HLA-DMA: variants seen among roughly 807,000 people sequenced by gnomAD.
HLA-DMA encodes the protein major histocompatibility complex, class II, DM alpha, also known as HLA class II histocompatibility antigen, DM alpha chain.
Under a neutral mutation model 27.3 loss-of-function variants are expected in HLA-DMA, and 20 were observed. The ratio of observed to expected loss-of-function variants is 0.73; its 90% confidence interval spans 0.52 to 1.07. The LOEUF (loss-of-function observed/expected upper bound fraction) is 1.07. Ranked by LOEUF, HLA-DMA falls within the 50% of genes least tolerant of loss-of-function variation. The pLI is 0.00. For missense variants in HLA-DMA, 241 were observed against 321.7 expected (o/e 0.75, Z 1.92); for synonymous variants, 111 against 126.8 (o/e 0.88, Z 0.83).
chr6:32,949,710 G>A lies in HLA-DMA; in HGVS notation c.553C>T (p.Gln185Ter). 6.2e-7 allele frequency: 1 copy of A among 1,613,068 alleles called. No homozygotes were observed. The change falls in exon 3 of 5, where the codon CAG (glutamine) becomes TAG (stop). Residue 185 changes from glutamine (Q) to a stop codon, truncating the protein, a stop_gained. Coordinates refer to ENST00000374843, the MANE Select transcript of HLA-DMA (RefSeq NM_006120.4). LOFTEE classifies it high-confidence loss of function. The surrounding 1 kb of genome is among the most constrained non-coding windows in gnomAD (Gnocchi z 5.8). ...GTGAAGTTTAAGTAAGAAAAGGCCT[G>A]GAAGCTGAGTCCATCGACAGCTGAG... Reference protein sequence around the residue: ...FVSAVDGLSFQAFSYLNFTPE... With the variant: ...FVSAVDGLSF
rs888313182 is a variant in HLA-DMA, at chr6:32,950,665, T to C, written c.227A>G (p.Asn76Ser). 1 of 1,613,002 alleles carries C rather than the reference T, an allele frequency of 6.2e-7. No homozygotes were observed. The highest frequency in any genetic ancestry group is 8.5e-7 in the Non-Finnish European group (1 of 1,180,028). Reference sequence around the variant, plus strand: ...TTCGGGCAGGCGAGGCACCCGAGTGTTCTGGGAAAAGTCGAAGAAGAAAAG... The same window carrying C: ...TTCGGGCAGGCGAGGCACCCGAGTGCTCTGGGAAAAGTCGAAGAAGAAAAG... ...DQLFFFDFSQ[N>S]TRVPRLPEFA... The change falls in exon 2 of 5, where the codon AAC becomes AGC. Residue 76 changes from asparagine (N) to serine (S), a missense_variant. Coordinates refer to ENST00000374843, the MANE Select transcript of HLA-DMA (RefSeq NM_006120.4). This position sits in a 1 kb window ranked among gnomAD's most constrained non-coding sequence, Gnocchi z 5.0.
At chr6:32,952,331 T>G in intron 1 of HLA-DMA, 1 of 471,218 alleles carries the variant, frequency 2.1e-6, no homozygotes, top group Non-Finnish European at 4.4e-6. Context: ...CAAGCGTCTC[T>G]CAAAATGTCT....
chr6:32,950,400 G>T lies in HLA-DMA; in HGVS notation c.373+119C>A. 1 of 1,272,296 alleles carries T rather than the reference G, an allele frequency of 7.9e-7. No individual in the cohort carries two copies. 78.8% of individuals were successfully genotyped at this position (1,272,296 alleles called of 1,614,324 possible). ...CCAAGGCTGGTGGAAAAATTAAGGT[G>T]ATGAAGAGAACCAGAAAGTATTTGA... On this transcript the variant is annotated intron_variant, in intron 2 of 4. Coordinates refer to ENST00000374843, the MANE Select transcript of HLA-DMA (RefSeq NM_006120.4). The surrounding 1 kb of genome is among the most constrained non-coding windows in gnomAD (Gnocchi z 5.0).
At chr6:32,951,247 G>C (rs865894718) in intron 1 of HLA-DMA, among the ~76,000 whole-genome samples, 2 of 152,134 alleles carry the variant, frequency 1.3e-5, no homozygotes, top group African/African-American at 2.4e-5. Flanking sequence ...CCTCCCAAAG[G>C]GGGTGAAGAA....
chr6:32,952,213 C>A (rs1776933572), intron 1 of HLA-DMA: 1 of 417,060 alleles, frequency 2.4e-6, no homozygotes, highest in African/African-American at 2.1e-5. Flanking sequence ...GGAGGAATGG[C>A]TACAGCCTCC....
At chr6:32,952,865 AC>A in intron 1 of HLA-DMA, 83 bp downstream of exon 1, 1 of 996,442 alleles carries the variant, frequency 1.0e-6, no homozygotes. Flanking sequence ...ACTTCCCACC[AC>A]TCACAAAGCA....
Position 32,949,981 on chromosome 6 carries a change from C to T in HLA-DMA, c.374-92G>A. 3 of 1,223,030 alleles carry T rather than the reference C, an allele frequency of 2.5e-6. No homozygotes were observed. Among genetic ancestry groups the T allele is most frequent in the African/African-American group, 3.0e-5 (2 of 67,022 alleles). The allele number at this position is 1,223,030 out of a possible 1,614,324, so 75.8% of individuals were successfully genotyped here. A position where few individuals can be genotyped will look rare whatever the true frequency, so the allele number is the denominator to read the frequency against. On this transcript the variant is annotated intron_variant, in intron 2 of 4. Coordinates refer to ENST00000374843, the MANE Select transcript of HLA-DMA (RefSeq NM_006120.4). This position sits in a 1 kb window ranked among gnomAD's most constrained non-coding sequence, Gnocchi z 5.8. The stretch of plus-strand genomic sequence containing the variant: ...GGGCCATGGCATATGGAGGGGAGGG[C>T]AGAGAAGAACACAGTGGGTCAGGCT...
At position 32,950,335 on chromosome 6, in the gene HLA-DMA, G is replaced by T; in HGVS notation, c.373+184C>A. The T allele has an allele frequency of 1.4e-6, 1 of 708,800 alleles. No individual in the cohort carries two copies. The highest frequency in any genetic ancestry group is 2.5e-6 in the Non-Finnish European group (1 of 407,942). The allele number at this position is 708,800 out of a possible 1,614,324, so 43.9% of individuals were successfully genotyped here. ...ACATAGTTCTGAATGCCTACTACATGCTAGGTACTTCGGCCCACCAAAAGA... is the reference window on the plus strand; with the variant it reads ...ACATAGTTCTGAATGCCTACTACATTCTAGGTACTTCGGCCCACCAAAAGA... On this transcript the variant is annotated intron_variant, in intron 2 of 4. Transcript: ENST00000374843. This position sits in a 1 kb window ranked among gnomAD's most constrained non-coding sequence, Gnocchi z 5.0.
At position 32,950,868 on chromosome 6, in the gene HLA-DMA, A is replaced by T; in HGVS notation, c.89-65T>A. The T allele has an allele frequency of 6.5e-7, 1 of 1,532,090 alleles. No homozygotes were observed. The highest frequency in any genetic ancestry group is 8.9e-7 in the Non-Finnish European group (1 of 1,123,546). 94.9% of individuals were successfully genotyped at this position (1,532,090 alleles called of 1,614,324 possible). A position where few individuals can be genotyped will look rare whatever the true frequency, so the allele number is the denominator to read the frequency against. ...CTTCTCCTCCAACTTAAAAAACAGC[A>T]AGGTGGGGCTAGGCGCAGTGGCTCA... On this transcript the variant is annotated intron_variant, in intron 1 of 4. Transcript: ENST00000374843. This position sits in a 1 kb window ranked among gnomAD's most constrained non-coding sequence, Gnocchi z 5.0.
chr6:32,949,768 G>T lies in HLA-DMA; in HGVS notation c.495C>A (p.Ser165=). Residue 165 remains serine (S), a synonymous_variant, in exon 3 of 5, where the codon TCC becomes TCA. Coordinates refer to ENST00000374843, the MANE Select transcript of HLA-DMA (RefSeq NM_006120.4). The surrounding 1 kb of genome is among the most constrained non-coding windows in gnomAD (Gnocchi z 5.8). ...PMLTVNWQHH[S]VPVEGFGPTF... ...TAGGCCCAAATCCTTCCACAGGGAC[G>T]GAATGATGCTGCCAGTTCACTGTCA... The T allele has an allele frequency of 6.2e-7, 1 of 1,613,082 alleles. No individual in the cohort carries two copies. The highest frequency in any genetic ancestry group is 8.5e-7 in the Non-Finnish European group (1 of 1,180,036).
At position 32,949,431 on chromosome 6, in the gene HLA-DMA, C is replaced by G. The variant is rs777880757; in HGVS notation, c.653-32G>C. The G allele has an allele frequency of 5.6e-6, 9 of 1,612,634 alleles. No individual in the cohort carries two copies. In the South Asian group the frequency reaches 8.8e-5, roughly 16 times the overall value. ...GAAATGAGTGGCTCAGCCTGGGGAC[C>G]TAGTTAGGGAGCCTCCCACCCAGGG... On this transcript the variant is annotated intron_variant, in intron 3 of 4. Transcript: ENST00000374843. The surrounding 1 kb of genome is among the most constrained non-coding windows in gnomAD (Gnocchi z 5.8).
chr6:32,952,362 G>A, intron 1 of HLA-DMA: 1 of 471,304 alleles, frequency 2.1e-6, no homozygotes, highest in Non-Finnish European at 4.4e-6. Context: ...AACCTACCAG[G>A]CCTCCCAAAG....
rs922064184 is a variant in HLA-DMA at position 32,948,761 on chromosome 6, A to AGAC, written c.*100_*102dup. The stretch of plus-strand genomic sequence containing the variant: ...CACACACACCCCAGGGATGTCCCAG[A>AGAC]GACTTCTACCCTAAGAGGAGATCCT... On this transcript the variant is annotated 3_prime_UTR_variant, in exon 5 of 5. Coordinates refer to ENST00000374843, the MANE Select transcript of HLA-DMA (RefSeq NM_006120.4). 6.2e-5 allele frequency: 45 copies of AGAC among 730,796 alleles called. No homozygotes were observed. In the African/African-American group the frequency reaches 1.6e-3, roughly 25 times the overall value. The allele number at this position is 730,796 out of a possible 1,614,324, so 45.3% of individuals were successfully genotyped here. A position where few individuals can be genotyped will look rare whatever the true frequency, so the allele number is the denominator to read the frequency against.
rs912279245 is a variant in HLA-DMA at position 32,948,745 on chromosome 6, C to T, written c.*119G>A. The stretch of plus-strand genomic sequence containing the variant: ...CCAGGTGGGAAATCTACACACACAC[C>T]CCAGGGATGTCCCAGAGACTTCTAC... On this transcript the variant is annotated 3_prime_UTR_variant, in exon 5 of 5. Coordinates refer to ENST00000374843, the MANE Select transcript of HLA-DMA (RefSeq NM_006120.4). The T allele has an allele frequency of 1.1e-4, 134 of 1,204,432 alleles. 1 individual carries two copies. Among genetic ancestry groups the T allele is most frequent in the Non-Finnish European group, 1.5e-4 (125 of 826,140 alleles). The allele number at this position is 1,204,432 out of a possible 1,614,324, so 74.6% of individuals were successfully genotyped here.
chr6:32,951,441 G>C (rs1262063806), intron 1 of HLA-DMA, among the ~76,000 whole-genome samples: 2 of 146,144 alleles, frequency 1.4e-5, no homozygotes, highest in African/African-American at 5.0e-5. Context: ...ACCAACCTGG[G>C]CAACACAGCG....
chr6:32,949,893 GT>G lies in HLA-DMA; in HGVS notation c.374-5del, dbSNP rs779300012. The G allele has an allele frequency of 6.2e-7, 1 of 1,611,844 alleles. No individual in the cohort carries two copies. Among genetic ancestry groups the G allele is most frequent in the Non-Finnish European group, 8.5e-7 (1 of 1,179,126 alleles). ...AACACTTCAGCGATAGGAAACCCTG[GT>G]GGGGGGATTGAAGTGTAGGGGGAAA... On this transcript the variant is annotated splice_polypyrimidine_tract_variant and splice_region_variant and intron_variant, in intron 2 of 4. Coordinates refer to ENST00000374843, the MANE Select transcript of HLA-DMA (RefSeq NM_006120.4). The surrounding 1 kb of genome is among the most constrained non-coding windows in gnomAD (Gnocchi z 5.8).
intron 1 of HLA-DMA, among the ~76,000 whole-genome samples, chr6:32,951,342 G>T (rs930636566): frequency 1.3e-5 from 2 of 151,490 alleles, no homozygotes; most frequent in African/African-American, 4.9e-5. Context: ...TAAAGTGACA[G>T]ATTCAGGCCA....
Position 32,948,884 on chromosome 6 carries a change from G to A in HLA-DMA, c.782-16C>T, listed in dbSNP as rs751972511. 3.2e-5 allele frequency: 52 copies of A among 1,613,158 alleles called. No homozygotes were observed. The highest frequency in any genetic ancestry group is 1.7e-4 in the Middle Eastern group (1 of 6,000). The stretch of plus-strand genomic sequence containing the variant: ...AAGAATCAGTCTGGGGGAGAGACAG[G>A]GATGGAGGAAAGGCATCAGGGGATC... On this transcript the variant is annotated splice_polypyrimidine_tract_variant and intron_variant, in intron 4 of 4. Transcript: ENST00000374843.
Position 32,950,848 on chromosome 6 carries a change from C to A in HLA-DMA, c.89-45G>T. The A allele has an allele frequency of 6.3e-7, 1 of 1,580,574 alleles. No homozygotes were observed. On this transcript the variant is annotated intron_variant, in intron 1 of 4. Coordinates refer to ENST00000374843, the MANE Select transcript of HLA-DMA (RefSeq NM_006120.4). The surrounding 1 kb of genome is among the most constrained non-coding windows in gnomAD (Gnocchi z 5.0). ...AGGTTCAGGGAGGTGGGAGCCTTCT[C>A]CTCCAACTTAAAAAACAGCAAGGTG...
Sources: allele counts gnomAD v4.1 joint callset (sites outside exome capture counted in the v4.1 genomes callset), GRCh38; gene constraint gnomAD v4.1.1; non-coding constraint Gnocchi (gnomAD v3.1); transcripts MANE v1.5; gene names NCBI Gene and HGNC (gene_info 2026-07-23, HGNC 2026-07-21).